RELB: variants seen among roughly 807,000 people sequenced by gnomAD.
The protein encoded by RELB is RELB proto-oncogene, NF-kB subunit, also known as transcription factor RelB.
A neutral mutation model predicts 55.4 loss-of-function variants in RELB; 14 were observed. That is an observed-to-expected ratio of 0.25 (90% CI 0.17 to 0.40). The LOEUF is 0.40. RELB is among the 10% of genes least tolerant of loss of function. RELB has a pLI of 1.00. For synonymous variants in RELB, 409 were observed against 371.3 expected (o/e 1.10, Z -1.17); for missense variants, 669 against 830.7 (o/e 0.81, Z 2.39).
chr19:45,031,899 C>G (rs771128303), intron 8 of RELB, among the ~76,000 whole-genome samples: 1 of 151,578 alleles, frequency 6.6e-6, no homozygotes, highest in African/African-American at 2.4e-5. Context: ...TTCTACCTAC[C>G]TCTTAAATTG....
chr19:45,037,003 G>A (rs1290662979), intron 11 of RELB, among the ~76,000 whole-genome samples: 1 of 152,150 alleles, frequency 6.6e-6, no homozygotes, highest in East Asian at 1.9e-4. Context: ...CTAAGGCCAG[G>A]CTTGGTGGCT....
chr19:45,005,995 C>T (rs932579680), intron 2 of RELB, among the ~76,000 whole-genome samples: 11 of 152,204 alleles, frequency 7.2e-5, no homozygotes, highest in Non-Finnish European at 1.3e-4. Flanking sequence ...ATTTATTATG[C>T]GCCTGTTCTG....
chr19:45,018,768 C>T (rs1182201398), intron 4 of RELB, among the ~76,000 whole-genome samples: 1 of 150,992 alleles, frequency 6.6e-6, no homozygotes, highest in African/African-American at 2.4e-5. Context: ...CTTGTGCCTC[C>T]CAGGTTCAAG....
chr19:45,014,168 CTTTTTT>C (rs113601074), intron 4 of RELB, among the ~76,000 whole-genome samples: 1 of 126,802 alleles, frequency 7.9e-6, no homozygotes, highest in Non-Finnish European at 1.6e-5. Flanking sequence ...ATTTCTAAGG[CTTTTTT>C]TTTTTTTTTT....
At chr19:45,008,177 T>A (rs892282299) in intron 2 of RELB, among the ~76,000 whole-genome samples, 9 of 150,820 alleles carry the variant, frequency 6.0e-5, no homozygotes, top group Admixed American at 4.0e-4. Context: ...CTCAAAAAAA[T>A]AAAAATAAAT....
intron 9 of RELB, among the ~76,000 whole-genome samples, chr19:45,033,205 C>T (rs1385820438): frequency 6.6e-6 from 1 of 152,142 alleles, no homozygotes; most frequent in African/African-American, 2.4e-5. Flanking sequence ...CCTGACCCAG[C>T]TGTAGGTGTC....
intron 1 of RELB, 55 bp from the exon 2 acceptor site, chr19:45,002,894 T>C: frequency 1.3e-6 from 2 of 1,490,948 alleles, no homozygotes; most frequent in East Asian, 4.6e-5. Context: ...TGGGATATTC[T>C]CTGGTCCTCT....
At chr19:45,017,926 C>A (rs567175717) in intron 4 of RELB, among the ~76,000 whole-genome samples, 2 of 150,364 alleles carry the variant, frequency 1.3e-5, no homozygotes, top group African/African-American at 2.4e-5. Flanking sequence ...ATTGCAGGCA[C>A]GAACCACCGT....
chr19:45,032,165 G>A (rs764681839), intron 8 of RELB, among the ~76,000 whole-genome samples: 10 of 151,976 alleles, frequency 6.6e-5, no homozygotes, highest in Non-Finnish European at 4.4e-5. Context: ...GAACCAGGGA[G>A]TTGGAGGTTG....
chr19:45,034,985 C>T (rs1274746248), intron 11 of RELB, among the ~76,000 whole-genome samples: 1 of 151,812 alleles, frequency 6.6e-6, no homozygotes. Flanking sequence ...GGACTAAAGG[C>T]ATACACCACC....
chr19:45,024,881 A>T (rs541165144), intron 5 of RELB, among the ~76,000 whole-genome samples: 1 of 149,090 alleles, frequency 6.7e-6, no homozygotes, highest in East Asian at 2.0e-4. Flanking sequence ...ATTGTTTGAG[A>T]TGGTGTCTAA....
intron 2 of RELB, 76 bp downstream of exon 2, chr19:45,003,072 G>C: frequency 1.4e-6 from 2 of 1,423,224 alleles, no homozygotes; most frequent in Non-Finnish European, 1.9e-6. Context: ...AGATGTCTCT[G>C]TTTGGGGGTT....
intron 8 of RELB, among the ~76,000 whole-genome samples, chr19:45,031,627 G>C (rs1261640714): frequency 1.3e-5 from 2 of 152,032 alleles, no homozygotes; most frequent in Non-Finnish European, 2.9e-5. Context: ...CCAGGCTGGA[G>C]TGCAGTGGTG....
At position 45,002,983 on chromosome 19, in the gene RELB, T is replaced by A. The variant is rs760072351; in HGVS notation, c.141T>A (p.Val47=). ...ACCTCTCCTCACTCTCGCTCGCCGT[T>A]TCCAGGAGCACAGGTGAGCAGCCCT... ...SPDLSSLSLA[V]SRSTDELEII... Residue 47 remains valine (V), a synonymous_variant, in exon 2 of 12, where the codon GTT becomes GTA. Coordinates refer to ENST00000221452, the MANE Select transcript of RELB (RefSeq NM_006509.4). 4.3e-6 allele frequency: 7 copies of A among 1,613,338 alleles called. No homozygotes were observed. Among genetic ancestry groups the A allele is most frequent in the Non-Finnish European group, 1.7e-6 (2 of 1,179,694 alleles).
chr19:45,029,881 G>A (rs1458337460), intron 8 of RELB, among the ~76,000 whole-genome samples: 1 of 151,628 alleles, frequency 6.6e-6, no homozygotes, highest in Middle Eastern at 3.4e-3. Flanking sequence ...AAAAGAAAAA[G>A]ACAGCTGGGC....
Position 45,023,393 on chromosome 19 carries a change from T to TTTCCTTCCTTCCTTCCTTCCTTCCTTCC in RELB, c.662+1196_662+1223dup, listed in dbSNP as rs58473606. On this transcript the variant is annotated intron_variant, in intron 5 of 11. Transcript: ENST00000221452. ...CATTGGTGTTTAATTTGCAGTTTTC[T>TTTCCTTCCTTCCTTCCTTCCTTCCTTCC]TTCCTTCCTTCCTTCCTTCCTTCCT... 3.2e-4 allele frequency among the ~76,000 whole-genome samples: 47 copies of TTTCCTTCCTTCCTTCCTTCCTTCCTTCC among 144,684 alleles called. 2 individuals are homozygous for TTTCCTTCCTTCCTTCCTTCCTTCCTTCC. The highest frequency in any genetic ancestry group is 4.6e-4 in the South Asian group (2 of 4,394). The allele number at this position is 144,684 out of a possible 152,430, so 94.9% of individuals were successfully genotyped here.
At chr19:45,004,907 C>A (rs1324174781) in intron 2 of RELB, among the ~76,000 whole-genome samples, 1 of 151,830 alleles carries the variant, frequency 6.6e-6, no homozygotes, top group Non-Finnish European at 1.5e-5. Flanking sequence ...TGGTGGCTCA[C>A]TCCTGTGATC....
At chr19:45,021,456 C>CAAAAA (rs527934701) in intron 4 of RELB, among the ~76,000 whole-genome samples, 1 of 68,952 alleles carries the variant, frequency 1.5e-5, no homozygotes, top group African/African-American at 6.3e-5. Context: ...GACTCCATCT[C>CAAAAA]AAAAAAAAAA....
At chr19:45,018,195 G>A (rs555223020) in intron 4 of RELB, among the ~76,000 whole-genome samples, 1 of 152,160 alleles carries the variant, frequency 6.6e-6, no homozygotes, top group Admixed American at 6.6e-5. Flanking sequence ...ACAAGGTCAG[G>A]AGGTGGAGAC....
Sources: allele counts gnomAD v4.1 joint callset (sites outside exome capture counted in the v4.1 genomes callset), GRCh38; gene constraint gnomAD v4.1.1; transcripts MANE v1.5; gene names NCBI Gene and HGNC (gene_info 2026-07-23, HGNC 2026-07-21).